The following PARD3B variants were observed in gnomAD, a reference collection of about 807,000 sequenced individuals.
PARD3B encodes partitioning defective 3 homolog B.
A neutral mutation model predicts 130.2 loss-of-function variants in PARD3B; 103 were observed. The observed-to-expected ratio is 0.79, with a 90% CI of 0.67 to 0.93. The LOEUF (loss-of-function observed/expected upper bound fraction) is 0.93, where lower values mean the gene tolerates loss of function less well. Ranked by LOEUF, PARD3B falls within the 40% of genes least tolerant of loss-of-function variation. The pLI, the probability that PARD3B is intolerant of heterozygous loss-of-function variation, is 0.00. For missense variants in PARD3B, 1,609 were observed against 1,499.2 expected (o/e 1.07, Z -1.21); for synonymous variants, 583 against 553.2 (o/e 1.05, Z -0.76).
At chr2:205,195,550 T>C (rs765176393) in intron 15 of PARD3B, among the ~76,000 whole-genome samples, 12 of 152,256 alleles carry the variant, frequency 7.9e-5, no homozygotes, top group Admixed American at 2.0e-4. Flanking sequence ...ACTTAGGTGA[T>C]ACCGCAATGG....
In PARD3B at chr2:205,325,872, A is replaced by G. The variant is rs1368741535; in HGVS notation, c.2630+24171A>G. Among the ~76,000 whole-genome samples the G allele has an allele frequency of 6.6e-6, 1 of 152,204 alleles. No individual in the cohort carries two copies. The highest frequency in any genetic ancestry group is 2.4e-5 in the African/African-American group (1 of 41,446). On this transcript the variant is annotated intron_variant, in intron 18 of 22. Coordinates refer to ENST00000406610, the MANE Select transcript of PARD3B (RefSeq NM_001302769.2). This position sits in a 1 kb window ranked among gnomAD's most constrained non-coding sequence, Gnocchi z 4.1. ...GAAGGAACAAAATTGAAAAACAAAT[A>G]AAAATAAATAAAACAATTGTGAGAG...
At chr2:205,385,532 T>TA (rs971391630) in intron 18 of PARD3B, among the ~76,000 whole-genome samples, 1 of 152,162 alleles carries the variant, frequency 6.6e-6, no homozygotes, top group Non-Finnish European at 1.5e-5. Context: ...TTCAGTATTC[T>TA]AAAAAATATA....
At chr2:204,825,885 T>C (rs2043550712) in intron 2 of PARD3B, among the ~76,000 whole-genome samples, 1 of 152,180 alleles carries the variant, frequency 6.6e-6, no homozygotes, top group African/African-American at 2.4e-5. Flanking sequence ...ACCTAGATTT[T>C]CGTTGTTTTG....
chr2:205,114,752 C>T (rs1397484), intron 6 of PARD3B, among the ~76,000 whole-genome samples: 60,224 of 104,124 alleles, frequency 0.58, 12,340 homozygotes, highest in South Asian at 0.67. Flanking sequence ...GAAGTCATCA[C>T]CTTTTTTTTT....
intron 2 of PARD3B, among the ~76,000 whole-genome samples, chr2:204,761,679 G>A (rs1390135376): frequency 2.6e-5 from 4 of 151,770 alleles, no homozygotes; most frequent in Non-Finnish European, 5.9e-5. Flanking sequence ...CAGTTTAGAT[G>A]TATTACAATA....
intron 1 of PARD3B, among the ~76,000 whole-genome samples, chr2:204,652,271 C>T (rs1425494070): frequency 1.3e-5 from 2 of 152,112 alleles, no homozygotes; most frequent in South Asian, 2.1e-4. Flanking sequence ...CAGTTTCAGG[C>T]CATCTCTTTG....
rs1197479923 is a variant in PARD3B, at chr2:204,973,390, A to G, written c.394+8067A>G. On this transcript the variant is annotated intron_variant, in intron 3 of 22. Transcript: ENST00000406610. The stretch of plus-strand genomic sequence containing the variant: ...AATCATTCCTAAATAAATTATTTAT[A>G]GTAACCATGCTGATTTTCTTTTGCA... 2.0e-5 allele frequency among the ~76,000 whole-genome samples: 3 copies of G among 152,224 alleles called. No individual in the cohort carries two copies. The East Asian group carries it at 5.8e-4, about 29-fold the overall frequency.
intron 15 of PARD3B, among the ~76,000 whole-genome samples, chr2:205,222,853 T>A (rs2038314635): frequency 1.3e-5 from 1 of 79,780 alleles, no homozygotes; most frequent in East Asian, 6.2e-4. Context: ...CTTTTCTCTG[T>A]GTCAGGTGGG....
intron 19 of PARD3B, among the ~76,000 whole-genome samples, chr2:205,437,968 A>G (rs956959281): frequency 6.6e-6 from 1 of 151,188 alleles, no homozygotes; most frequent in Non-Finnish European, 1.5e-5. Flanking sequence ...AAAGCTACCA[A>G]AAAAAAAATT....
chr2:205,115,674 G>A (rs773286495), intron 6 of PARD3B, among the ~76,000 whole-genome samples: 18 of 152,140 alleles, frequency 1.2e-4, no homozygotes, highest in African/African-American at 7.2e-5. Context: ...AAGGAGTAAT[G>A]AGTACAGGCT....
intron 1 of PARD3B, among the ~76,000 whole-genome samples, chr2:204,644,381 G>T (rs575151544): frequency 6.6e-6 from 1 of 152,258 alleles, no homozygotes; most frequent in Non-Finnish European, 1.5e-5. Flanking sequence ...GTGTGTGGGT[G>T]TGTTTGTACC....
chr2:205,226,566 C>T (rs1427576211), intron 15 of PARD3B, among the ~76,000 whole-genome samples: 1 of 152,080 alleles, frequency 6.6e-6, no homozygotes, highest in Non-Finnish European at 1.5e-5. Context: ...TAGTTTCATT[C>T]TCCTGCATAT....
chr2:205,616,192 T>G lies in PARD3B; in HGVS notation c.*379T>G. The G allele has an allele frequency of 5.3e-6, 1 of 187,120 alleles. No homozygotes were observed. The highest frequency in any genetic ancestry group is 1.1e-5 in the Non-Finnish European group (1 of 91,768). The allele number at this position is 187,120 out of a possible 1,614,324, so 11.6% of individuals were successfully genotyped here. A position where few individuals can be genotyped will look rare whatever the true frequency, so the allele number is the denominator to read the frequency against. On this transcript the variant is annotated 3_prime_UTR_variant, in exon 23 of 23. Transcript: ENST00000406610. Reference sequence around the variant, plus strand: ...ATGTGCAGACACGTGGACATCCCCCTCTGAGACTGGCGGTCCAGAGGCAGT... The same window carrying G: ...ATGTGCAGACACGTGGACATCCCCCGCTGAGACTGGCGGTCCAGAGGCAGT...
intron 1 of PARD3B, among the ~76,000 whole-genome samples, chr2:204,587,706 C>T (rs539080121): frequency 6.6e-6 from 1 of 152,252 alleles, no homozygotes; most frequent in South Asian, 2.1e-4. Context: ...TTTTTATTTG[C>T]TCATCCCCTG....
rs545152533 is a variant in PARD3B, at chr2:205,365,469, G to A, written c.2631-35544G>A. On this transcript the variant is annotated intron_variant, in intron 18 of 22. Transcript: ENST00000406610. The stretch of plus-strand genomic sequence containing the variant: ...CCACAAAACACACAGCATCGAATCC[G>A]TTTACAGACACAGGCCTGCTGTCTT... Among the ~76,000 whole-genome samples the A allele has an allele frequency of 1.1e-4, 16 of 149,552 alleles. No individual in the cohort carries two copies. The South Asian group carries it at 2.5e-3, about 24-fold the overall frequency.
chr2:204,721,965 A>G (rs1376236544), intron 2 of PARD3B, among the ~76,000 whole-genome samples: 2 of 152,120 alleles, frequency 1.3e-5, no homozygotes, highest in Admixed American at 1.3e-4. Context: ...AAGAAACTCT[A>G]ATGATATTTT....
At chr2:204,778,886 T>C (rs1355580145) in intron 2 of PARD3B, among the ~76,000 whole-genome samples, 2 of 152,134 alleles carry the variant, frequency 1.3e-5, no homozygotes, top group African/African-American at 2.4e-5. Context: ...CTACTTAGTA[T>C]TCTGTCATGA....
intron 2 of PARD3B, among the ~76,000 whole-genome samples, chr2:204,703,291 C>A (rs1458211740): frequency 6.6e-6 from 1 of 152,180 alleles, no homozygotes; most frequent in Non-Finnish European, 1.5e-5. Context: ...TTTTCTGGAA[C>A]TCTACTGTCC....
In PARD3B at chr2:205,321,550, TAATA is replaced by T. The variant is rs1387537034; in HGVS notation, c.2630+19851_2630+19854del. Among the ~76,000 whole-genome samples, 14 of 152,268 alleles carry T rather than the reference TAATA, an allele frequency of 9.2e-5. No individual in the cohort carries two copies. In the East Asian group the frequency reaches 2.7e-3, roughly 29 times the overall value. On this transcript the variant is annotated intron_variant, in intron 18 of 22. Transcript: ENST00000406610. The surrounding 1 kb of genome is among the most constrained non-coding windows in gnomAD (Gnocchi z 4.2). The stretch of plus-strand genomic sequence containing the variant: ...TGCAGGCATGCATGCATTTTTCTCT[TAATA>T]ACTTAACAGTGGTTGCAAACTTGAT...
Sources: gnomAD v4.1 joint callset for allele counts (sites outside exome capture counted in the v4.1 genomes callset) on GRCh38, gnomAD v4.1.1 for gene constraint, Gnocchi (gnomAD v3.1) non-coding constraint, MANE v1.5 for transcripts, NCBI Gene and HGNC (gene_info 2026-07-23, HGNC 2026-07-21) for gene names.